THSD7B: variants seen among roughly 807,000 people sequenced by gnomAD.
THSD7B encodes thrombospondin type-1 domain-containing protein 7B.
In THSD7B, 138 loss-of-function variants were observed where a neutral mutation model predicts 213.6. The observed-to-expected ratio is 0.65, with a 90% CI of 0.56 to 0.74. The LOEUF (loss-of-function observed/expected upper bound fraction) is 0.74. THSD7B is among the 30% of genes least tolerant of loss of function. The pLI is 0.00. For synonymous variants in THSD7B, 742 were observed against 687.0 expected (o/e 1.08, Z -1.25); for missense variants, 1,931 against 1,991.5 (o/e 0.97, Z 0.58).
rs183723093 is a variant in THSD7B, at chr2:137,363,814, G to A, written c.2501-41799G>A. Among the ~76,000 whole-genome samples the A allele has an allele frequency of 3.6e-3, 546 of 152,128 alleles. 3 individuals are homozygous for A. The highest frequency in any genetic ancestry group is 0.012 in the African/African-American group (513 of 41,542). The stretch of plus-strand genomic sequence containing the variant: ...AGCCGAATTCTAGTGGAGGTATGAA[G>A]AAAGGAGCTGGTACCATTCTTTCTG... On this transcript the variant is annotated intron_variant, in intron 12 of 27. Coordinates refer to ENST00000409968, the MANE Select transcript of THSD7B (RefSeq NM_001316349.2).
At chr2:137,066,597 C>T (rs1218254587) in intron 3 of THSD7B, among the ~76,000 whole-genome samples, 3 of 151,992 alleles carry the variant, frequency 2.0e-5, no homozygotes, top group Admixed American at 6.6e-5. Context: ...GTGTTTTTCT[C>T]CCTCTGGCTT....
intron 1 of THSD7B, among the ~76,000 whole-genome samples, chr2:136,865,857 C>T (rs185712506): frequency 3.9e-5 from 6 of 152,306 alleles, no homozygotes; most frequent in Admixed American, 2.6e-4. Flanking sequence ...TGTTGGAGTG[C>T]ATCATCCCAC....
chr2:137,399,808 C>G (rs920511308), intron 12 of THSD7B, among the ~76,000 whole-genome samples: 1 of 151,874 alleles, frequency 6.6e-6, no homozygotes, highest in Non-Finnish European at 1.5e-5. Context: ...CTTTATTTTT[C>G]TTCTCCCTCA....
At chr2:137,439,661 T>A (rs1687360971) in intron 14 of THSD7B, among the ~76,000 whole-genome samples, 1 of 152,260 alleles carries the variant, frequency 6.6e-6, no homozygotes, top group African/African-American at 2.4e-5. Context: ...ACCTTGGTGA[T>A]AGTTCAAAGG....
intron 17 of THSD7B, among the ~76,000 whole-genome samples, chr2:137,583,820 G>A (rs538100770): frequency 6.6e-6 from 1 of 152,234 alleles, no homozygotes; most frequent in South Asian, 2.1e-4. Context: ...TGGCAATGTG[G>A]GCTCTTTTTT....
At chr2:137,401,700 A>G (rs935782189) in intron 12 of THSD7B, among the ~76,000 whole-genome samples, 1 of 150,940 alleles carries the variant, frequency 6.6e-6, no homozygotes, top group African/African-American at 2.4e-5. Flanking sequence ...GTTACCATTA[A>G]GAGAGCTGTG....
At chr2:137,114,871 A>G (rs970102733) in intron 4 of THSD7B, among the ~76,000 whole-genome samples, 1 of 151,398 alleles carries the variant, frequency 6.6e-6, no homozygotes, top group Non-Finnish European at 1.5e-5. Flanking sequence ...AGACACACTC[A>G]CTGTTTATCC....
intron 9 of THSD7B, 82 bp downstream of exon 9, chr2:137,233,215 G>A (rs1432357968): frequency 7.7e-6 from 10 of 1,300,432 alleles, no homozygotes; most frequent in Non-Finnish European, 9.6e-6. Context: ...TCAAGCAATA[G>A]ATATTTCTGG....
intron 15 of THSD7B, among the ~76,000 whole-genome samples, chr2:137,522,332 A>G (rs1454467738): frequency 6.6e-6 from 1 of 152,226 alleles, no homozygotes; most frequent in East Asian, 1.9e-4. Flanking sequence ...TTTCTTTTGT[A>G]ACATGAGTGA....
At chr2:137,397,039 A>G (rs1686210534) in intron 12 of THSD7B, among the ~76,000 whole-genome samples, 1 of 142,594 alleles carries the variant, frequency 7.0e-6, no homozygotes, top group East Asian at 2.0e-4. Context: ...CCATCCTTTT[A>G]TTTTGAGCCT....
chr2:137,546,364 A>AT (rs1273783735), intron 15 of THSD7B, among the ~76,000 whole-genome samples: 3,278 of 48,942 alleles, frequency 0.067, 431 homozygotes, highest in Non-Finnish European at 0.096. Flanking sequence ...TATATATATT[A>AT]TATATATATA....
chr2:136,807,508 C>CCTTTTTTTTT (rs1314267493), intron 1 of THSD7B, among the ~76,000 whole-genome samples: 3 of 49,580 alleles, frequency 6.1e-5, no homozygotes, highest in Admixed American at 1.9e-4. Flanking sequence ...CAAAATGTTT[C>CCTTTTTTTTT]GTTTTTTTTT....
intron 2 of THSD7B, among the ~76,000 whole-genome samples, chr2:137,030,723 G>T (rs1342553611): frequency 6.6e-6 from 1 of 152,028 alleles, no homozygotes; most frequent in Non-Finnish European, 1.5e-5. Flanking sequence ...CTAAGCTATG[G>T]GTACACAAAG....
In THSD7B at chr2:136,859,800, A is replaced by G. The variant is rs117286991; in HGVS notation, c.-35-22344A>G. ...TATAGCCCCAAAAGAGCAGCCCAGC[A>G]CTGAAAGTGTCAGGAGTGAAGGGAA... On this transcript the variant is annotated intron_variant, in intron 1 of 27. Coordinates refer to ENST00000409968, the MANE Select transcript of THSD7B (RefSeq NM_001316349.2). Among the ~76,000 whole-genome samples, 740 of 152,300 alleles carry G rather than the reference A, an allele frequency of 4.9e-3. 13 individuals carry two copies. The South Asian group carries it at 0.07, about 14-fold the overall frequency.
chr2:137,419,517 C>T (rs992848153), intron 14 of THSD7B, among the ~76,000 whole-genome samples: 5 of 151,462 alleles, frequency 3.3e-5, no homozygotes, highest in Non-Finnish European at 7.4e-5. Flanking sequence ...GGTCATCTCT[C>T]CCTCAGTGTG....
chr2:137,041,273 G>A (rs1047602796), intron 2 of THSD7B, among the ~76,000 whole-genome samples: 4 of 152,102 alleles, frequency 2.6e-5, no homozygotes, highest in African/African-American at 9.7e-5. Flanking sequence ...TTGCATAGAA[G>A]GAAAAGAAGC....
At chr2:137,099,304 T>A (rs2104923050) in intron 4 of THSD7B, among the ~76,000 whole-genome samples, 1 of 152,272 alleles carries the variant, frequency 6.6e-6, no homozygotes, top group Non-Finnish European at 1.5e-5. Flanking sequence ...CTGACTAACA[T>A]CTAAAATATT....
At chr2:137,224,335 G>A (rs918907158) in intron 7 of THSD7B, among the ~76,000 whole-genome samples, 1 of 152,160 alleles carries the variant, frequency 6.6e-6, no homozygotes, top group African/African-American at 2.4e-5. Context: ...TTGAGTATCT[G>A]TAGAGCATCA....
chr2:137,185,506 GTTCCTGCTTTAGTTCACT>G (rs1467075741), intron 7 of THSD7B, among the ~76,000 whole-genome samples: 1 of 152,072 alleles, frequency 6.6e-6, no homozygotes, highest in Non-Finnish European at 1.5e-5. Context: ...TTGGTTTTCT[GTTCCTGCTTTAGTTCACT>G]TAGGATAATG....
Sources: gnomAD v4.1 joint callset for allele counts (sites outside exome capture counted in the v4.1 genomes callset) on GRCh38, gnomAD v4.1.1 for gene constraint, MANE v1.5 for transcripts, NCBI Gene and HGNC (gene_info 2026-07-23, HGNC 2026-07-21) for gene names.